MCUR1: variants seen among roughly 807,000 people sequenced by gnomAD.
MCUR1 encodes the protein mitochondrial calcium uniporter regulator 1, also known as MCU regulator 1.
A neutral mutation model predicts 42.0 loss-of-function variants in MCUR1; 37 were observed. The ratio of observed to expected loss-of-function variants is 0.88; its 90% CI spans 0.68 to 1.16. The LOEUF (loss-of-function observed/expected upper bound fraction) is 1.16, where lower values mean the gene tolerates loss of function less well. Among genes scored for constraint, MCUR1 ranks in the 50% most tolerant of loss-of-function variants. The pLI is 0.00. For missense variants in MCUR1, 469 were observed against 468.4 expected, an observed-to-expected ratio of 1.00 and a Z score of -0.01; for synonymous variants, 229 against 196.2, an observed-to-expected ratio of 1.17 and a Z score of -1.40.
rs1760280025 is a variant in MCUR1 at position 13,813,376 on chromosome 6, A to G, written c.415+639T>C. ...CTTATCCTATTTTTCTATACCAGGC[A>G]TCGAATTACGAATATATAAAAATTA... On this transcript the variant is annotated intron_variant, in intron 1 of 8. Coordinates refer to ENST00000379170, the MANE Select transcript of MCUR1 (RefSeq NM_001031713.4). 2.0e-5 allele frequency among the ~76,000 whole-genome samples: 3 copies of G among 152,186 alleles called. No homozygotes were observed. The South Asian group carries it at 6.2e-4, about 32-fold the overall frequency.
intron 2 of MCUR1, among the ~76,000 whole-genome samples, chr6:13,804,647 G>A (rs879702736): frequency 1.3e-5 from 2 of 151,734 alleles, no homozygotes; most frequent in Non-Finnish European, 2.9e-5. Flanking sequence ...TGTGGCAGGC[G>A]CCTGTAGTCC....
intron 5 of MCUR1, among the ~76,000 whole-genome samples, chr6:13,799,159 T>C (rs903536549): frequency 2.6e-5 from 4 of 151,800 alleles, no homozygotes; most frequent in Non-Finnish European, 5.9e-5. Flanking sequence ...TCTATGCTTA[T>C]GCCAGTCTAG....
At chr6:13,802,522 G>A (rs1300911043) in intron 2 of MCUR1, among the ~76,000 whole-genome samples, 176 bp from the exon 3 acceptor site, 1 of 152,140 alleles carries the variant, frequency 6.6e-6, no homozygotes, top group African/African-American at 2.4e-5. Context: ...GAGCAAGCAC[G>A]AAACATACAA....
intron 2 of MCUR1, among the ~76,000 whole-genome samples, chr6:13,803,025 A>G (rs1760024627): frequency 6.6e-6 from 1 of 152,110 alleles, no homozygotes; most frequent in African/African-American, 2.4e-5. Flanking sequence ...TCAATAAATG[A>G]TACTGAATTG....
In MCUR1 at chr6:13,788,965, G is replaced by C. The variant is rs1029796625; in HGVS notation, c.*1844C>G. 1 of 149,008 alleles carries C rather than the reference G, an allele frequency of 6.7e-6. No homozygotes were observed. The highest frequency in any genetic ancestry group is 2.4e-5 in the African/African-American group (1 of 40,976). The allele number at this position is 149,008 out of a possible 1,614,324, so 9.2% of individuals were successfully genotyped here. A position where few individuals can be genotyped will look rare whatever the true frequency, so the allele number is the denominator to read the frequency against. ...AACTATTTTTTTTACCAATGTGGTT[G>C]GAACAGTGACAACGAGCAATGTATT... On this transcript the variant is annotated 3_prime_UTR_variant, in exon 9 of 9. Coordinates refer to ENST00000379170, the MANE Select transcript of MCUR1 (RefSeq NM_001031713.4).
At chr6:13,806,675 C>T (rs1022441681) in intron 2 of MCUR1, among the ~76,000 whole-genome samples, 24 of 152,170 alleles carry the variant, frequency 1.6e-4, no homozygotes, top group Non-Finnish European at 4.4e-5. Context: ...CCTGTAGTCC[C>T]AGCTACTCGG....
intron 2 of MCUR1, chr6:13,804,376 GGAAAA>G (rs1760068355): frequency 6.6e-6 from 1 of 151,426 alleles, no homozygotes; most frequent in Non-Finnish European, 1.5e-5. Flanking sequence ...GCAATGATGA[GGAAAA>G]GAAAAATAAA....
intron 2 of MCUR1, among the ~76,000 whole-genome samples, chr6:13,806,026 C>G (rs947103676): frequency 3.3e-5 from 5 of 152,004 alleles, no homozygotes; most frequent in Non-Finnish European, 7.4e-5. Context: ...GAGGCTGAGG[C>G]GGGCAGATCA....
chr6:13,797,990 T>C (rs1759895176), intron 6 of MCUR1, among the ~76,000 whole-genome samples: 2 of 151,768 alleles, frequency 1.3e-5, no homozygotes, highest in Admixed American at 1.3e-4. Flanking sequence ...GCCACTGCAC[T>C]CCGGCCTCGG....
chr6:13,807,640 T>C (rs1169237240), intron 1 of MCUR1, among the ~76,000 whole-genome samples: 1 of 152,238 alleles, frequency 6.6e-6, no homozygotes, highest in African/African-American at 2.4e-5. Context: ...CTTCAGAATA[T>C]ACTTAGGAGT....
rs1759662240 is a variant in MCUR1 at position 13,788,870 on chromosome 6, A to G, written c.*1939T>C. 6.6e-6 allele frequency: 1 copy of G among 152,252 alleles called. No individual in the cohort carries two copies. Among genetic ancestry groups the G allele is most frequent in the Non-Finnish European group, 1.5e-5 (1 of 68,052 alleles). 9.4% of individuals were successfully genotyped at this position (152,252 alleles called of 1,614,324 possible). ...GGAGCTCACAATCTTTGGACTACAC[A>G]AACATTCTCTAAAAGGGCAATGACT... On this transcript the variant is annotated 3_prime_UTR_variant, in exon 9 of 9. Transcript: ENST00000379170.
chr6:13,792,123 C>T, intron 7 of MCUR1, 131 bp from the exon 8 acceptor site: 1 of 679,024 alleles, frequency 1.5e-6, no homozygotes, highest in Non-Finnish European at 2.6e-6. Context: ...GGGCTTTAGT[C>T]TCAGTTCTAA....
chr6:13,803,202 C>T (rs778523483), intron 2 of MCUR1, among the ~76,000 whole-genome samples: 14 of 152,214 alleles, frequency 9.2e-5, no homozygotes, highest in Non-Finnish European at 1.8e-4. Context: ...GCTGGAATTA[C>T]AGGCATGCGC....
At chr6:13,802,452 CAGTGTGGT>C (rs1760012203) in intron 2 of MCUR1, 106 bp from the exon 3 acceptor site, 1 of 851,120 alleles carries the variant, frequency 1.2e-6, no homozygotes, top group African/African-American at 1.7e-5. Context: ...GAGTACAGCA[CAGTGTGGT>C]AGGAGGCAGG....
Position 13,814,431 on chromosome 6 carries a change from C to A in MCUR1, c.-2G>T. On this transcript the variant is annotated 5_prime_UTR_variant, in exon 1 of 9. Coordinates refer to ENST00000379170, the MANE Select transcript of MCUR1 (RefSeq NM_001031713.4). ...GCCGCCGACCGAGCCGCAGTCCATCCCCGAGCAGTTCACTGGCCCGGGCGC... is the reference window on the plus strand; with the variant it reads ...GCCGCCGACCGAGCCGCAGTCCATCACCGAGCAGTTCACTGGCCCGGGCGC... 1 of 1,526,628 alleles carries A rather than the reference C, an allele frequency of 6.6e-7. No homozygotes were observed. Among genetic ancestry groups the A allele is most frequent in the East Asian group, 2.6e-5 (1 of 37,750 alleles). 94.6% of individuals were successfully genotyped at this position (1,526,628 alleles called of 1,614,324 possible).
Position 13,790,326 on chromosome 6 carries a change from G to T in MCUR1, c.*483C>A, listed in dbSNP as rs899059005. 6.5e-6 allele frequency: 1 copy of T among 154,510 alleles called. No homozygotes were observed. The highest frequency in any genetic ancestry group is 2.4e-5 in the African/African-American group (1 of 41,472). The allele number at this position is 154,510 out of a possible 1,614,324, so 9.6% of individuals were successfully genotyped here. On this transcript the variant is annotated 3_prime_UTR_variant, in exon 9 of 9. Transcript: ENST00000379170. ...GTCAACTAAGCAGAAAGGAGATAAG[G>T]AATGGCTATGGAATACCTGACTTCT...
rs3215484 is a variant in MCUR1, at chr6:13,800,394, TA to T, written c.742-13del. On this transcript the variant is annotated splice_polypyrimidine_tract_variant and intron_variant, in intron 4 of 8. Transcript: ENST00000379170. ...TCGAGTTTTATTTTCTAAAAACACA[TA>T]AAAAAAAAGTCATTAGAAAGAACAA... The T allele has an allele frequency of 2.7e-4, 372 of 1,374,278 alleles. No homozygotes were observed. The highest frequency in any genetic ancestry group is 1.2e-3 in the Admixed American group (60 of 49,006). The allele number at this position is 1,374,278 out of a possible 1,614,324, so 85.1% of individuals were successfully genotyped here.
At chr6:13,806,603 A>G (rs1465303714) in intron 2 of MCUR1, among the ~76,000 whole-genome samples, 1 of 152,214 alleles carries the variant, frequency 6.6e-6, no homozygotes, top group Non-Finnish European at 1.5e-5. Context: ...ATTAATTAAA[A>G]GATTGCCCAT....
chr6:13,813,782 C>A (rs1458382930), intron 1 of MCUR1, among the ~76,000 whole-genome samples: 1 of 152,240 alleles, frequency 6.6e-6, no homozygotes, highest in Non-Finnish European at 1.5e-5. Flanking sequence ...CTCCCTCCAA[C>A]TTTAGCGCCC....
Sources: gnomAD v4.1 joint callset for allele counts (sites outside exome capture counted in the v4.1 genomes callset) on GRCh38, gnomAD v4.1.1 for gene constraint, MANE v1.5 for transcripts, NCBI Gene and HGNC (gene_info 2026-07-23, HGNC 2026-07-21) for gene names.